Variants in PREX1 observed in about 807,000 individuals in gnomAD.
The protein encoded by PREX1 is phosphatidylinositol-3,4,5-trisphosphate dependent Rac exchange factor 1.
PREX1 carries 41 observed loss-of-function variants against 198.3 expected under a neutral mutation model. That is an observed-to-expected ratio of 0.21 (90% confidence interval 0.16 to 0.27). PREX1 has a LOEUF of 0.27. PREX1 is among the 10% of genes least tolerant of loss of function. The pLI is 1.00. For missense variants in PREX1, 1,620 were observed against 2,200.7 expected (o/e 0.74, Z 5.28); for synonymous variants, 843 against 887.2 (o/e 0.95, Z 0.89).
At chr20:48,866,304 C>T in the PREX1 span, among the ~76,000 whole-genome samples, 1 of 152,106 alleles carries the variant, frequency 6.6e-6, no homozygotes, top group Non-Finnish European at 1.5e-5. Context: ...AGCAGGTAAG[C>T]GATTTTCAGG....
chr20:48,873,980 C>T, the PREX1 span, among the ~76,000 whole-genome samples: 1 of 152,028 alleles, frequency 6.6e-6, no homozygotes, highest in Non-Finnish European at 1.5e-5. Flanking sequence ...ACCTCCTGGG[C>T]TCAAGCAATC....
At chr20:48,628,548 C>G (rs1380712719) in intron 37 of PREX1, among the ~76,000 whole-genome samples, 1 of 152,152 alleles carries the variant, frequency 6.6e-6, no homozygotes, top group Admixed American at 6.5e-5. Context: ...GTCCTGGGAA[C>G]CACAGGAAGC....
At chr20:48,863,267 A>G in the PREX1 span, among the ~76,000 whole-genome samples, 5 of 152,174 alleles carry the variant, frequency 3.3e-5, no homozygotes, top group African/African-American at 1.2e-4. Context: ...CATTTGTTAC[A>G]ATTGATGAGC....
rs564732462 is a variant in PREX1, at chr20:48,645,497, T to C, written c.3512+354A>G. ...CCTCCTTGGACCAAATAAACATAAATAGTGCTTGTTTCAGAAACCGTATGT... is the reference window on the plus strand; with the variant it reads ...CCTCCTTGGACCAAATAAACATAAACAGTGCTTGTTTCAGAAACCGTATGT... On this transcript the variant is annotated intron_variant, in intron 26 of 39. Transcript: ENST00000371941. Among the ~76,000 whole-genome samples, 54 of 152,292 alleles carry C rather than the reference T, an allele frequency of 3.5e-4. 2 individuals are homozygous for C. The South Asian group carries it at 0.011, about 30-fold the overall frequency.
chr20:48,789,565 G>A (rs1331582894), intron 1 of PREX1, among the ~76,000 whole-genome samples: 2 of 152,206 alleles, frequency 1.3e-5, no homozygotes, highest in Admixed American at 6.5e-5. Context: ...GGCAGGGCCA[G>A]GCTATCAGCC....
intron 15 of PREX1, among the ~76,000 whole-genome samples, chr20:48,663,728 G>A (rs1265390167): frequency 6.6e-6 from 1 of 152,208 alleles, no homozygotes; most frequent in Non-Finnish European, 1.5e-5. Context: ...ACAGCCAAAA[G>A]GCCTTCTTGT....
At position 48,642,231 on chromosome 20, in the gene PREX1, C is replaced by G; in HGVS notation, c.3712G>C (p.Gly1238Arg). Residue 1238 changes from glycine to arginine, a missense_variant, in exon 29 of 40, where the codon GGG (glycine) becomes CGG (arginine). Transcript: ENST00000371941. Reference protein sequence around the residue: ...QVDSINALLKGPVMSRAFEET... With the variant: ...QVDSINALLKRPVMSRAFEET... ...TCGAAAGCCCGGCTCATGACTGGCC[C>G]CTTGAGGAGAGCATTGATGGAGTCC... is the stretch of plus-strand genomic sequence containing the variant. 6.2e-7 allele frequency: 1 copy of G among 1,614,196 alleles called. No individual in the cohort carries two copies.
the PREX1 span, among the ~76,000 whole-genome samples, chr20:48,842,252 A>G: frequency 2.6e-5 from 4 of 152,168 alleles, no homozygotes; most frequent in African/African-American, 9.7e-5. Flanking sequence ...ACAGACTTAT[A>G]CTTTCTCCTA....
chr20:48,802,827 C>G (rs2090393606), intron 1 of PREX1, among the ~76,000 whole-genome samples: 1 of 152,218 alleles, frequency 6.6e-6, no homozygotes, highest in African/African-American at 2.4e-5. Context: ...ATCCCCCATT[C>G]CCTTTGCAAC....
At chr20:48,866,600 C>T in the PREX1 span, among the ~76,000 whole-genome samples, 2 of 152,082 alleles carry the variant, frequency 1.3e-5, no homozygotes, top group Non-Finnish European at 2.9e-5. Flanking sequence ...TCCCATGGGG[C>T]GAGGGTTGGG....
intron 21 of PREX1, among the ~76,000 whole-genome samples, 175 bp downstream of exon 21, chr20:48,652,411 G>C (rs2089505936): frequency 6.6e-6 from 1 of 151,994 alleles, no homozygotes; most frequent in Admixed American, 6.6e-5. Flanking sequence ...CTACACTCCA[G>C]CCTGGGTGAC....
At chr20:48,662,681 A>T (rs1377629843) in intron 15 of PREX1, among the ~76,000 whole-genome samples, 1 of 152,230 alleles carries the variant, frequency 6.6e-6, no homozygotes, top group Non-Finnish European at 1.5e-5. Flanking sequence ...GGTGCCACAG[A>T]GGCCCCTCCC....
the PREX1 span, among the ~76,000 whole-genome samples, chr20:48,857,576 T>C: frequency 1.3e-5 from 2 of 151,420 alleles, no homozygotes; most frequent in Non-Finnish European, 2.9e-5. Context: ...GAGACCAGCC[T>C]GGGCAAATAG....
At chr20:48,723,667 C>A (rs1304872476) in intron 5 of PREX1, among the ~76,000 whole-genome samples, 1 of 152,302 alleles carries the variant, frequency 6.6e-6, no homozygotes, top group Middle Eastern at 3.4e-3. Context: ...CCGCAGCCAC[C>A]CCATCGCTTT....
intron 1 of PREX1, among the ~76,000 whole-genome samples, chr20:48,750,991 G>A (rs1027998615): frequency 1.3e-5 from 2 of 152,206 alleles, no homozygotes; most frequent in African/African-American, 4.8e-5. Context: ...AATGTCATGG[G>A]ATAAAGTGAA....
intron 10 of PREX1, 117 bp from the exon 11 acceptor site, chr20:48,681,452 A>T: frequency 1.1e-6 from 1 of 936,212 alleles, no homozygotes; most frequent in Non-Finnish European, 1.7e-6. Context: ...AACTTCCCAC[A>T]GGGAAGCCGA....
At chr20:48,857,177 A>G in the PREX1 span, among the ~76,000 whole-genome samples, 8 of 152,166 alleles carry the variant, frequency 5.3e-5, no homozygotes, top group African/African-American at 1.7e-4. Flanking sequence ...CCCATGGTGT[A>G]TAAGAGTCAG....
chr20:48,737,687 C>T (rs368183378), intron 3 of PREX1, among the ~76,000 whole-genome samples: 6 of 152,158 alleles, frequency 3.9e-5, no homozygotes, highest in East Asian at 1.9e-4. Context: ...CAAGCTGGGC[C>T]GCAAGAGCCC....
At chr20:48,878,349 T>C in the PREX1 span, among the ~76,000 whole-genome samples, 1 of 151,246 alleles carries the variant, frequency 6.6e-6, no homozygotes, top group Non-Finnish European at 1.5e-5. Flanking sequence ...CCCCTTTTTC[T>C]TTTTTTTTGA....
Sources: allele counts gnomAD v4.1 joint callset (sites outside exome capture counted in the v4.1 genomes callset), GRCh38; gene constraint gnomAD v4.1.1; transcripts MANE v1.5; gene names NCBI Gene and HGNC (gene_info 2026-07-23, HGNC 2026-07-21).